The following FAAP20 variants were observed in gnomAD, a reference collection of about 807,000 sequenced individuals.
The protein encoded by FAAP20 is Fanconi anemia core complex-associated protein 20.
A neutral mutation model predicts 16.2 loss-of-function variants in FAAP20; 12 were observed. That is an observed-to-expected ratio of 0.74 (90% CI 0.48 to 1.20). The LOEUF (loss-of-function observed/expected upper bound fraction) is 1.20, where lower values mean the gene tolerates loss of function less well. FAAP20 is among the 50% of genes most tolerant of loss of function. The pLI is 0.00. For missense variants in FAAP20, 288 were observed against 245.8 expected (o/e 1.17, Z -1.15); for synonymous variants, 141 against 110.7 (o/e 1.27, Z -1.72).
downstream of FAAP20, among the ~76,000 whole-genome samples, chr1:2,189,162 A>G (rs900162006): frequency 6.6e-6 from 1 of 150,442 alleles, no homozygotes; most frequent in African/African-American, 2.5e-5. Context: ...AGACCCCTCC[A>G]TCTGTACAAA....
chr1:2,194,123 C>A lies in FAAP20; in HGVS notation c.73G>T (p.Gly25Cys). 1 of 1,612,048 alleles carries A rather than the reference C, an allele frequency of 6.2e-7. No homozygotes were observed. Among genetic ancestry groups the A allele is most frequent in the Middle Eastern group, 1.7e-4 (1 of 6,032 alleles). ...RPRPAGGPSG[G>C]RPWFLLGGDE... The stretch of plus-strand genomic sequence containing the variant: ...CCCCCCAGGAGAAACCAGGGGCGGC[C>A]GCCAGAAGGCCTGGGGCAGACAGAG... The change falls in exon 2 of 4, where the codon GGC becomes TGC. Residue 25 changes from glycine to cysteine, a missense_variant. Physicochemically the swap from Gly to Cys is radical, Grantham distance 159. Coordinates refer to ENST00000378546, the MANE Select transcript of FAAP20 (RefSeq NM_182533.4).
In FAAP20 at chr1:2,190,134, G is replaced by A. The variant is rs1046859590; in HGVS notation, c.471-353C>T. The A allele has an allele frequency of 5.8e-6, 3 of 515,550 alleles. No individual in the cohort carries two copies. In the Admixed American group the frequency reaches 6.8e-5, roughly 12 times the overall value. 31.9% of individuals were successfully genotyped at this position (515,550 alleles called of 1,614,324 possible). A position where few individuals can be genotyped will look rare whatever the true frequency, so the allele number is the denominator to read the frequency against. ...GGCGGCCTGACCCGGAGAAAAGGCA[G>A]GACGGCGGGTGGCCTGCCAGGGAGA... On this transcript the variant is annotated intron_variant, in intron 3 of 3. Transcript: ENST00000378546.
At chr1:2,189,123 A>G (rs1048328752), downstream of FAAP20, among the ~76,000 whole-genome samples, 1 of 151,292 alleles carries the variant, frequency 6.6e-6, no homozygotes, top group African/African-American at 2.4e-5. Flanking sequence ...TGGGCCTAGG[A>G]GTTCGAGACC....
chr1:2,185,749 A>G (rs1442386474), downstream of FAAP20, among the ~76,000 whole-genome samples: 1 of 152,164 alleles, frequency 6.6e-6, no homozygotes, highest in Non-Finnish European at 1.5e-5. Context: ...TGAACACTAA[A>G]TCTGCACAAA....
upstream of FAAP20, chr1:2,201,234 G>T: frequency 8.3e-7 from 1 of 1,199,720 alleles, no homozygotes; most frequent in South Asian, 1.5e-5. Context: ...CCCTGTGTTG[G>T]AAAATAAGGA....
At chr1:2,186,284 AG>A (rs1687577566), downstream of FAAP20, 1 of 273,210 alleles carries the variant, frequency 3.7e-6, no homozygotes, top group African/African-American at 2.3e-5. Flanking sequence ...CCAAGTTAGG[AG>A]GTCTGTGCCG....
upstream of FAAP20, among the ~76,000 whole-genome samples, chr1:2,197,019 A>G (rs150073072): frequency 0.01 from 1,539 of 151,908 alleles, 31 homozygotes; most frequent in East Asian, 0.082. Context: ...CTCCTCCTCT[A>G]TGGCCCCCAC....
upstream of FAAP20, chr1:2,203,637 G>A (rs191905910): frequency 2.7e-5 from 27 of 986,048 alleles, no homozygotes; most frequent in South Asian, 9.4e-5. Flanking sequence ...GGGCCTGAGC[G>A]GAGGGAAGAT....
intron 3 of FAAP20, 39 bp from the exon 4 acceptor site, chr1:2,189,820 G>A (rs183100575): frequency 1.3e-6 from 2 of 1,497,644 alleles, no homozygotes; most frequent in South Asian, 1.1e-5. Context: ...CCACCTCCGC[G>A]GCATGCTGGC....
chr1:2,196,965 A>C (rs911057063), upstream of FAAP20, among the ~76,000 whole-genome samples: 2 of 152,148 alleles, frequency 1.3e-5, no homozygotes, highest in Non-Finnish European at 2.9e-5. This position sits in a 1 kb window ranked among gnomAD's most constrained non-coding sequence, Gnocchi z 4.5. Context: ...TCTGGCTCCC[A>C]ACCCCAGGGT....
exon 2 of FAAP20, chr1:2,212,344 G>A (rs1185232625): frequency 2.0e-5 from 3 of 152,556 alleles, no homozygotes; most frequent in Non-Finnish European, 4.4e-5. Flanking sequence ...GGCTGCTGTG[G>A]GGTTCCCGCA....
Position 2,189,761 on chromosome 1 carries a change from T to G in FAAP20, c.491A>C (p.Asp164Ala), listed in dbSNP as rs746792392. 1 of 1,612,626 alleles carries G rather than the reference T, an allele frequency of 6.2e-7. No individual in the cohort carries two copies. Reference protein sequence around the residue: ...FAPRLTQLDVDSHLAQCLAES... With the variant: ...FAPRLTQLDVASHLAQCLAES... ...GGCCAAGCACTGGGCCAGGTGGCTG[T>G]CAACATCCAGCTGGGTCAGCCTGCA... The change falls in exon 4 of 4, where the codon GAC becomes GCC. Residue 164 changes from aspartate (D) to alanine (A), a missense_variant. Physicochemically the swap from Asp to Ala is moderately radical, Grantham distance 126 (BLOSUM62 -2). Transcript: ENST00000378546.
At chr1:2,192,943 C>A in intron 3 of FAAP20, 1 of 1,304,048 alleles carries the variant, frequency 7.7e-7, no homozygotes, top group Admixed American at 2.3e-5. Flanking sequence ...CTTTGGACTC[C>A]GGTGCCTTCG....
intron 3 of FAAP20, chr1:2,206,157 G>A (rs996263267): frequency 1.9e-4 from 29 of 152,332 alleles, no homozygotes; most frequent in African/African-American, 7.0e-4. Flanking sequence ...TGGAAAGGCA[G>A]CAATGGTCGA....
chr1:2,198,731 C>G, upstream of FAAP20: 1 of 1,279,886 alleles, frequency 7.8e-7, no homozygotes, highest in Non-Finnish European at 1.0e-6. Flanking sequence ...AGCACCCACA[C>G]ACGGTGCCCT....
intron 1 of FAAP20, among the ~76,000 whole-genome samples, chr1:2,206,830 C>CAAAA (rs57221891): frequency 3.3e-5 from 3 of 89,822 alleles, no homozygotes; most frequent in Non-Finnish European, 6.6e-5. Flanking sequence ...GAGACTGTCT[C>CAAAA]AAAAAAAAAA....
Position 2,194,730 on chromosome 1 carries a change from G to GGCCTCCGCGCC in FAAP20, c.9_19dup (p.Pro7ArgfsTer9), listed in dbSNP as rs1297037078. The GGCCTCCGCGCC allele has an allele frequency of 1.7e-6, 2 of 1,192,062 alleles. No individual in the cohort carries two copies. The highest frequency in any genetic ancestry group is 2.1e-6 in the Non-Finnish European group (2 of 964,846). The allele number at this position is 1,192,062 out of a possible 1,614,324, so 73.8% of individuals were successfully genotyped here. The stretch of plus-strand genomic sequence containing the variant: ...CCTCCGGCGGCTCAACCCCAGCCGC[G>GGCCTCCGCGCC]GCCTCCGCGCCGCCTCCATCCAAGC... On this transcript the variant is annotated frameshift_variant, in exon 1 of 4. Transcript: ENST00000378546. LOFTEE classifies it high-confidence loss of function.
In FAAP20 at chr1:2,194,713, G is replaced by A. The variant is rs1330041877; in HGVS notation, c.37C>T (p.Arg13Cys). The A allele has an allele frequency of 2.5e-6, 3 of 1,179,272 alleles. No homozygotes were observed. Among genetic ancestry groups the A allele is most frequent in the African/African-American group, 1.6e-5 (1 of 60,832 alleles). The allele number at this position is 1,179,272 out of a possible 1,614,324, so 73.1% of individuals were successfully genotyped here. ...CCGCCCGCCGGGCGCGGCCTCCGGC[G>A]GCTCAACCCCAGCCGCGGCCTCCGC... Reference protein sequence around the residue: ...AARRPRLGLSRRRPRPAGGPS... With the variant: ...AARRPRLGLSCRRPRPAGGPS... The change falls in exon 1 of 4, where the codon CGC becomes TGC. Residue 13 changes from arginine to cysteine, a missense_variant. Arg to Cys is a radical substitution (Grantham distance 180, BLOSUM62 -3). Transcript: ENST00000378546.
In FAAP20 at chr1:2,189,665, G is replaced by A; in HGVS notation, c.*44C>T. Reference sequence around the variant, plus strand: ...GAGGCGGGGCTGCTGGCGGGGGAGAGCGTGTCCGGGCGCCGCACTCTGCGC... The same window carrying A: ...GAGGCGGGGCTGCTGGCGGGGGAGAACGTGTCCGGGCGCCGCACTCTGCGC... On this transcript the variant is annotated 3_prime_UTR_variant, in exon 4 of 4. Coordinates refer to ENST00000378546, the MANE Select transcript of FAAP20 (RefSeq NM_182533.4). 1 of 1,530,102 alleles carries A rather than the reference G, an allele frequency of 6.5e-7. No homozygotes were observed. The highest frequency in any genetic ancestry group is 9.0e-7 in the Non-Finnish European group (1 of 1,109,196). The allele number at this position is 1,530,102 out of a possible 1,614,324, so 94.8% of individuals were successfully genotyped here.
Sources: allele counts gnomAD v4.1 joint callset (sites outside exome capture counted in the v4.1 genomes callset), GRCh38; gene constraint gnomAD v4.1.1; non-coding constraint Gnocchi (gnomAD v3.1); transcripts MANE v1.5; gene names NCBI Gene and HGNC (gene_info 2026-07-23, HGNC 2026-07-21).